TLN1: variants seen among roughly 807,000 people sequenced by gnomAD.
TLN1 encodes talin 1.
Under a neutral mutation model 292.3 loss-of-function variants are expected in TLN1, and 56 were observed. That is an observed-to-expected ratio of 0.19 (90% CI 0.15 to 0.24). The LOEUF is 0.24. Among genes scored for constraint, TLN1 ranks in the 10% least tolerant of loss-of-function variants. The probability of loss-of-function intolerance (pLI) is 1.00; values close to 1 mark genes in which losing one functional copy is unlikely to be tolerated. For synonymous variants in TLN1, 1,119 were observed against 1,253.7 expected, an observed-to-expected ratio of 0.89 and a Z score of 2.27; for missense variants, 2,433 against 3,248.2, an observed-to-expected ratio of 0.75 and a Z score of 6.10.
chr9:35,707,481 T>C lies in TLN1; in HGVS notation c.4640A>G (p.Asp1547Gly), dbSNP rs1458898641. 2 of 1,613,910 alleles carry C rather than the reference T, an allele frequency of 1.2e-6. No individual in the cohort carries two copies. The highest frequency in any genetic ancestry group is 1.7e-6 in the Non-Finnish European group (2 of 1,179,984). Reference protein sequence around the residue: ...ANLVKTIKALDGAFTEENRAQ... With the variant: ...ANLVKTIKALGGAFTEENRAQ... Reference sequence around the variant, plus strand: ...ACGGTTCTCCTCTGTGAAGGCCCCATCTAGCGCCTAGAAGTGACAGAGAGG... The same window carrying C: ...ACGGTTCTCCTCTGTGAAGGCCCCACCTAGCGCCTAGAAGTGACAGAGAGG... The change falls in exon 36 of 57, where the codon GAT becomes GGT. Residue 1547 changes from aspartate to glycine, a missense_variant. By Grantham distance (94) the Asp-to-Gly change is moderately conservative. Coordinates refer to ENST00000314888, the MANE Select transcript of TLN1 (RefSeq NM_006289.4). The surrounding 1 kb of genome is among the most constrained non-coding windows in gnomAD (Gnocchi z 5.6).
At chr9:35,710,324 G>A (rs143522956) in intron 33 of TLN1, among the ~76,000 whole-genome samples, 8 of 151,908 alleles carry the variant, frequency 5.3e-5, no homozygotes, top group Non-Finnish European at 8.8e-5. Context: ...AAGGCCTCAC[G>A]GTTGGGCAGT....
chr9:35,703,972 A>AG lies in TLN1; in HGVS notation c.6231+18dup, dbSNP rs752846161. 14 of 1,612,430 alleles carry AG rather than the reference A, an allele frequency of 8.7e-6. No homozygotes were observed. The highest frequency in any genetic ancestry group is 2.7e-5 in the African/African-American group (2 of 74,900). ...ACAGGAAGTGATTCCAGCCGGAATT[A>AG]GGGGCATCAGGTCACTACCTGGGTC... On this transcript the variant is annotated intron_variant, in intron 46 of 56. Transcript: ENST00000314888.
chr9:35,729,553 A>C (rs1587993109), intron 1 of TLN1, among the ~76,000 whole-genome samples: 1 of 152,348 alleles, frequency 6.6e-6, no homozygotes, highest in East Asian at 1.9e-4. Context: ...GGATTTTAGA[A>C]AAATAACTCT....
At position 35,698,986 on chromosome 9, in the gene TLN1, G is replaced by A; in HGVS notation, c.6999+46C>T. The A allele has an allele frequency of 6.2e-7, 1 of 1,609,584 alleles. No individual in the cohort carries two copies. The highest frequency in any genetic ancestry group is 8.5e-7 in the Non-Finnish European group (1 of 1,176,168). ...GATGTAAAGTCAGAGATGAAGGTGG[G>A]GACACTGCCATGGTGAGGGTGGAAG... On this transcript the variant is annotated intron_variant, in intron 52 of 56. Transcript: ENST00000314888. This position sits in a 1 kb window ranked among gnomAD's most constrained non-coding sequence, Gnocchi z 5.3.
intron 48 of TLN1, among the ~76,000 whole-genome samples, chr9:35,703,356 G>C (rs528596323): frequency 5.9e-5 from 9 of 152,108 alleles, no homozygotes; most frequent in Non-Finnish European, 7.4e-5. Context: ...CCCACACCTG[G>C]GAGAAATGAC....
Position 35,724,786 on chromosome 9 carries a change from G to C in TLN1, c.358+44C>G. 1.9e-6 allele frequency: 3 copies of C among 1,613,686 alleles called. No homozygotes were observed. The highest frequency in any genetic ancestry group is 2.5e-6 in the Non-Finnish European group (3 of 1,179,704). The stretch of plus-strand genomic sequence containing the variant: ...TGCATCCATGCCTTTTGAGAGAGTT[G>C]AGGCTTTCTGGCCCAGGCTTTCAAC... On this transcript the variant is annotated intron_variant, in intron 4 of 56. Coordinates refer to ENST00000314888, the MANE Select transcript of TLN1 (RefSeq NM_006289.4). This position sits in a 1 kb window ranked among gnomAD's most constrained non-coding sequence, Gnocchi z 4.7.
At position 35,724,303 on chromosome 9, in the gene TLN1, C is replaced by T; in HGVS notation, c.543G>A (p.Arg181=). 6.2e-7 allele frequency: 1 copy of T among 1,614,190 alleles called. No homozygotes were observed. ...TCTCGTGCTCCTCTACACCCTGCTC[C>T]CTCAGTGTCCGACCATGGTCCAGCC... ...LNWLDHGRTL[R]EQGVEEHETL... Residue 181 remains arginine (R), a synonymous_variant, in exon 6 of 57, where the codon AGG becomes AGA. Transcript: ENST00000314888. This position sits in a 1 kb window ranked among gnomAD's most constrained non-coding sequence, Gnocchi z 4.7.
At chr9:35,710,237 A>G (rs1437235459) in intron 33 of TLN1, among the ~76,000 whole-genome samples, 1 of 151,458 alleles carries the variant, frequency 6.6e-6, no homozygotes, top group Non-Finnish European at 1.5e-5. Context: ...AAAAAAAAAA[A>G]AAAAAAGAAA....
At chr9:35,722,321 C>T in intron 8 of TLN1, 98 bp from the exon 9 acceptor site, 1 of 1,071,244 alleles carries the variant, frequency 9.3e-7, no homozygotes, top group Non-Finnish European at 1.4e-6. Flanking sequence ...ATTATGGGGA[C>T]ACTGGAAAGG....
At position 35,717,063 on chromosome 9, in the gene TLN1, G is replaced by A; in HGVS notation, c.2458+83C>T. On this transcript the variant is annotated intron_variant, in intron 19 of 56. Coordinates refer to ENST00000314888, the MANE Select transcript of TLN1 (RefSeq NM_006289.4). This position sits in a 1 kb window ranked among gnomAD's most constrained non-coding sequence, Gnocchi z 4.7. ...GTGCTGAGTTCCTTGGGGTGAAGTG[G>A]TTAGGTCCGCAAGGGGATGATGTCC... 6.7e-7 allele frequency: 1 copy of A among 1,481,948 alleles called. No individual in the cohort carries two copies. Among genetic ancestry groups the A allele is most frequent in the East Asian group, 2.3e-5 (1 of 43,724 alleles). 91.8% of individuals were successfully genotyped at this position (1,481,948 alleles called of 1,614,324 possible). A position where few individuals can be genotyped will look rare whatever the true frequency, so the allele number is the denominator to read the frequency against.
chr9:35,701,914 A>G (rs767918733), intron 48 of TLN1, among the ~76,000 whole-genome samples: 8 of 152,252 alleles, frequency 5.3e-5, no homozygotes, highest in Non-Finnish European at 1.2e-4. Flanking sequence ...CAGAAAGTCA[A>G]GAGTTCCAAC....
At chr9:35,708,225 T>C in intron 34 of TLN1, 116 bp downstream of exon 34, 6 of 1,320,352 alleles carry the variant, frequency 4.5e-6, no homozygotes, top group Non-Finnish European at 6.2e-6. Flanking sequence ...AAGCTGTGTG[T>C]GCAAGGTCAG....
Position 35,714,572 on chromosome 9 carries a change from G to A in TLN1, c.2985+2C>T. The stretch of plus-strand genomic sequence containing the variant: ...CAGAGAAGTGCAGAGGGGGTGCCTT[G>A]CCTGCAGGAAGCTCTGGCTGGCAGC... On this transcript the variant is annotated splice_donor_variant, in intron 23 of 56. Transcript: ENST00000314888. LOFTEE classifies it low-confidence loss of function (GC_TO_GT_DONOR). The surrounding 1 kb of genome is among the most constrained non-coding windows in gnomAD (Gnocchi z 4.6). The A allele has an allele frequency of 6.2e-7, 1 of 1,608,956 alleles. No individual in the cohort carries two copies. The highest frequency in any genetic ancestry group is 8.5e-7 in the Non-Finnish European group (1 of 1,179,944).
At position 35,719,285 on chromosome 9, in the gene TLN1, A is replaced by T. The variant is rs745808735; in HGVS notation, c.1688-3T>A. ...ATAGTCTGTCTCAGCAGGGTCCCCT[A>T]AGGGGAAAAGGAGAAAGAGGAACAT... On this transcript the variant is annotated splice_region_variant and splice_polypyrimidine_tract_variant and intron_variant, in intron 15 of 56. Coordinates refer to ENST00000314888, the MANE Select transcript of TLN1 (RefSeq NM_006289.4). This position sits in a 1 kb window ranked among gnomAD's most constrained non-coding sequence, Gnocchi z 4.6. The T allele has an allele frequency of 8.1e-6, 13 of 1,611,078 alleles. No homozygotes were observed. The South Asian group carries it at 8.8e-5, about 11-fold the overall frequency.
rs775846249 is a variant in TLN1, at chr9:35,712,927, C to A, written c.3469G>T (p.Asp1157Tyr). The change falls in exon 27 of 57, where the codon GAT becomes TAT. Residue 1157 changes from aspartate to tyrosine, a missense_variant. Transcript: ENST00000314888. ...VQAIVLDTAS[D>Y]VLDKASSLIE... Reference sequence around the variant, plus strand: ...AGGCTGCTGGCCTTGTCCAGCACATCACTGGCCGTATCAAGTACAATGGCC... The same window carrying A: ...AGGCTGCTGGCCTTGTCCAGCACATAACTGGCCGTATCAAGTACAATGGCC... 6 of 1,608,680 alleles carry A rather than the reference C, an allele frequency of 3.7e-6. No homozygotes were observed. In the East Asian group the frequency reaches 1.3e-4, roughly 36 times the overall value.
intron 8 of TLN1, 80 bp from the exon 9 acceptor site, chr9:35,722,303 G>A (rs901091331): frequency 7.2e-6 from 9 of 1,243,210 alleles, no homozygotes; most frequent in South Asian, 1.2e-5. Context: ...TAACTCTAAC[G>A]AGAGAGAATT....
chr9:35,708,969 A>G (rs1825612447), intron 33 of TLN1, among the ~76,000 whole-genome samples: 1 of 152,260 alleles, frequency 6.6e-6, no homozygotes, highest in Non-Finnish European at 1.5e-5. Flanking sequence ...AAAGGAAGGG[A>G]GGGGTTAAAA....
intron 1 of TLN1, among the ~76,000 whole-genome samples, chr9:35,729,638 T>G (rs548899959): frequency 4.9e-4 from 74 of 152,310 alleles, no homozygotes; most frequent in African/African-American, 1.6e-3. Context: ...GGAGTTGGAA[T>G]GGCATTGAGG....
intron 17 of TLN1, 28 bp downstream of exon 17, chr9:35,718,776 ATTCTGGGG>A: frequency 1.3e-6 from 2 of 1,579,394 alleles, no homozygotes; most frequent in Non-Finnish European, 1.7e-6. Flanking sequence ...TACTTCCTAG[ATTCTGGGG>A]TTCTGGGGGG....
Sources: allele counts gnomAD v4.1 joint callset (sites outside exome capture counted in the v4.1 genomes callset), GRCh38; gene constraint gnomAD v4.1.1; non-coding constraint Gnocchi (gnomAD v3.1); transcripts MANE v1.5; gene names NCBI Gene and HGNC (gene_info 2026-07-23, HGNC 2026-07-21).